Variants in PCDHA13 observed in about 807,000 individuals in gnomAD.
PCDHA13 encodes the protein protocadherin alpha-13.
Under a neutral mutation model 64.8 loss-of-function variants are expected in PCDHA13, and 54 were observed. That is an observed-to-expected ratio of 0.83 (90% CI 0.67 to 1.04). The LOEUF (loss-of-function observed/expected upper bound fraction) is 1.04. Among genes scored for constraint, PCDHA13 ranks in the 50% least tolerant of loss-of-function variants. The pLI, the probability that PCDHA13 is intolerant of heterozygous loss-of-function variation, is 0.00. For synonymous variants in PCDHA13, 587 were observed against 564.4 expected, an observed-to-expected ratio of 1.04 and a Z score of -0.57; for missense variants, 1,248 against 1,254.3, an observed-to-expected ratio of 0.99 and a Z score of 0.08.
intron 1 of PCDHA13, among the ~76,000 whole-genome samples, chr5:140,901,805 T>G (rs115665679): frequency 0.012 from 1,857 of 152,304 alleles, 44 homozygotes; most frequent in African/African-American, 0.042. Context: ...TGAACATTTT[T>G]ACAATATTGA....
chr5:140,945,000 G>A (rs980802301), intron 1 of PCDHA13, among the ~76,000 whole-genome samples: 3 of 151,862 alleles, frequency 2.0e-5, no homozygotes, highest in African/African-American at 7.3e-5. Context: ...AACGGTTGTG[G>A]GTCATGAATT....
intron 1 of PCDHA13, among the ~76,000 whole-genome samples, chr5:140,922,833 T>C (rs1443634582): frequency 6.6e-6 from 1 of 152,332 alleles, no homozygotes; most frequent in Admixed American, 6.5e-5. Flanking sequence ...TGCTAATAGA[T>C]GTCCTCAAAG....
chr5:140,969,363 C>T, intron 1 of PCDHA13: 2 of 1,610,732 alleles, frequency 1.2e-6, no homozygotes, highest in Non-Finnish European at 8.5e-7. Context: ...CTTCTACAAA[C>T]TCATGCATTT....
chr5:141,010,001 A>G lies in PCDHA13; in HGVS notation c.*64A>G. The G allele has an allele frequency of 6.4e-7, 1 of 1,574,588 alleles. No homozygotes were observed. The highest frequency in any genetic ancestry group is 8.6e-7 in the Non-Finnish European group (1 of 1,164,348). On this transcript the variant is annotated 3_prime_UTR_variant, in exon 4 of 4. Transcript: ENST00000289272. ...TAATAATGGCAAATCTCTCCCATGT[A>G]GCAATTCCCTGCTCCTTTTTCCTAT...
intron 1 of PCDHA13, among the ~76,000 whole-genome samples, chr5:140,951,775 A>G (rs1554220072): frequency 1.3e-5 from 2 of 152,164 alleles, no homozygotes; most frequent in African/African-American, 4.8e-5. Context: ...ACGTTCTTAC[A>G]TTGCAAAATA....
intron 1 of PCDHA13, among the ~76,000 whole-genome samples, chr5:140,933,324 G>A (rs563163291): frequency 5.3e-5 from 8 of 151,904 alleles, no homozygotes; most frequent in Non-Finnish European, 1.2e-4. Context: ...GTATTCTCCT[G>A]TGCTGTAGAG....
At chr5:140,905,787 G>C (rs1468265319) in intron 1 of PCDHA13, among the ~76,000 whole-genome samples, 1 of 152,012 alleles carries the variant, frequency 6.6e-6, no homozygotes, top group African/African-American at 2.4e-5. Flanking sequence ...TATTAGTCAG[G>C]GTTCTCTAGA....
At chr5:140,888,558 C>G (rs782768307) in intron 1 of PCDHA13, among the ~76,000 whole-genome samples, 1 of 152,188 alleles carries the variant, frequency 6.6e-6, no homozygotes, top group Non-Finnish European at 1.5e-5. Flanking sequence ...TTATTCCTTT[C>G]AAGGCTTCAT....
rs111391918 is a variant in PCDHA13 at position 140,984,395 on chromosome 5, G to A, written c.2542+1832G>A. ...CCCTCTTTCAGATTCAAAAAATGTTGAGAACCTATCTTTTTTACAGAGATA... is the reference window on the plus strand; with the variant it reads ...CCCTCTTTCAGATTCAAAAAATGTTAAGAACCTATCTTTTTTACAGAGATA... On this transcript the variant is annotated intron_variant, in intron 3 of 3. Coordinates refer to ENST00000289272, the MANE Select transcript of PCDHA13 (RefSeq NM_018904.3). 6.4e-3 allele frequency among the ~76,000 whole-genome samples: 978 copies of A among 152,194 alleles called. 14 individuals are homozygous for A. Among genetic ancestry groups the A allele is most frequent in the African/African-American group, 0.023 (947 of 41,508 alleles).
intron 1 of PCDHA13, among the ~76,000 whole-genome samples, chr5:140,919,230 A>G (rs56002): frequency 0.32 from 48,085 of 151,928 alleles, 7,955 homozygotes; most frequent in East Asian, 0.53. Flanking sequence ...TTCTAGTAAC[A>G]CTTTTTGTCT....
chr5:140,962,511 C>T (rs1164554453), intron 1 of PCDHA13, among the ~76,000 whole-genome samples: 1 of 152,106 alleles, frequency 6.6e-6, no homozygotes, highest in Non-Finnish European at 1.5e-5. Flanking sequence ...AGCCAACTAT[C>T]AATAATATAT....
intron 1 of PCDHA13, among the ~76,000 whole-genome samples, chr5:140,924,902 AAAAT>A (rs1239542905): frequency 0.13 from 4,984 of 38,732 alleles, 244 homozygotes; most frequent in African/African-American, 0.34. Flanking sequence ...CTCAAAAAAA[AAAAT>A]AAAATAAAAT....
In PCDHA13 at chr5:141,010,099, G is replaced by T; in HGVS notation, c.*162G>T. 5 of 1,612,768 alleles carry T rather than the reference G, an allele frequency of 3.1e-6. No individual in the cohort carries two copies. The highest frequency in any genetic ancestry group is 4.2e-6 in the Non-Finnish European group (5 of 1,179,316). On this transcript the variant is annotated 3_prime_UTR_variant, in exon 4 of 4. Coordinates refer to ENST00000289272, the MANE Select transcript of PCDHA13 (RefSeq NM_018904.3). ...GTGTCTGTCTAGAACGCATTTAACA[G>T]GTTTTGTCGTAAAAGCTTTACTAAG...
At chr5:140,980,616 G>A (rs2096898086) in intron 2 of PCDHA13, among the ~76,000 whole-genome samples, 4 of 151,912 alleles carry the variant, frequency 2.6e-5, no homozygotes, top group Admixed American at 2.0e-4. Context: ...GCGACAGTGC[G>A]AGACTCTGTC....
chr5:140,967,601 C>A lies in PCDHA13; in HGVS notation c.2395-11348C>A, dbSNP rs782574259. The A allele has an allele frequency of 9.3e-6, 15 of 1,614,144 alleles. No individual in the cohort carries two copies. The highest frequency in any genetic ancestry group is 1.3e-5 in the Non-Finnish European group (15 of 1,180,034). ...ACCCCCAGGCACATTGGTGGTGAAGCTGAATGCCTCAGACCCGGATGAGGG... is the reference window on the plus strand; with the variant it reads ...ACCCCCAGGCACATTGGTGGTGAAGATGAATGCCTCAGACCCGGATGAGGG... On this transcript the variant is annotated intron_variant, in intron 1 of 3. Transcript: ENST00000289272.
chr5:140,999,975 A>G (rs952038024), intron 3 of PCDHA13, among the ~76,000 whole-genome samples: 3 of 152,078 alleles, frequency 2.0e-5, no homozygotes, highest in African/African-American at 7.2e-5. Context: ...TAGCAGCTCT[A>G]GCGGCCTCTG....
At chr5:140,920,069 G>C (rs527472900) in intron 1 of PCDHA13, among the ~76,000 whole-genome samples, 1 of 152,288 alleles carries the variant, frequency 6.6e-6, no homozygotes, top group Non-Finnish European at 1.5e-5. Context: ...GGAAAAGGCA[G>C]AAACAGATTC....
At chr5:140,950,669 G>C (rs1554219570) in intron 1 of PCDHA13, among the ~76,000 whole-genome samples, 1 of 151,992 alleles carries the variant, frequency 6.6e-6, no homozygotes, top group African/African-American at 2.4e-5. Flanking sequence ...TATCAAACAT[G>C]TACATGTATA....
chr5:140,966,886 G>T, intron 1 of PCDHA13: 1 of 1,592,132 alleles, frequency 6.3e-7, no homozygotes. Context: ...CTGGCCCTGC[G>T]GCCTCCCAGC....
Sources: allele counts gnomAD v4.1 joint callset (sites outside exome capture counted in the v4.1 genomes callset), GRCh38; gene constraint gnomAD v4.1.1; transcripts MANE v1.5; gene names NCBI Gene and HGNC (gene_info 2026-07-23, HGNC 2026-07-21).